Variants in BCKDHB observed in about 807,000 individuals in gnomAD.
BCKDHB encodes 2-oxoisovalerate dehydrogenase subunit beta, mitochondrial.
In BCKDHB, 41 loss-of-function variants were observed where a neutral mutation model predicts 48.5. That is an observed-to-expected ratio of 0.85 (90% CI 0.66 to 1.10). The LOEUF is 1.10. Among genes scored for constraint, BCKDHB ranks in the 50% least tolerant of loss-of-function variants. BCKDHB has a pLI of 0.00. For synonymous variants in BCKDHB, 201 were observed against 174.8 expected (o/e 1.15, Z -1.18); for missense variants, 496 against 494.2 (o/e 1.00, Z -0.03).
chr6:80,267,481 T>A (rs1777562628), intron 8 of BCKDHB, among the ~76,000 whole-genome samples: 1 of 151,958 alleles, frequency 6.6e-6, no homozygotes, highest in South Asian at 2.1e-4. Flanking sequence ...GAAAGAGTTG[T>A]ATGAGATGGG....
chr6:80,129,746 T>G (rs762594978), intron 3 of BCKDHB, among the ~76,000 whole-genome samples: 49 of 152,312 alleles, frequency 3.2e-4, no homozygotes, highest in Non-Finnish European at 5.7e-4. Context: ...GTTTCTGTTT[T>G]AGCCTTGAGG....
intron 8 of BCKDHB, among the ~76,000 whole-genome samples, chr6:80,245,924 A>G (rs1776591990): frequency 6.6e-6 from 1 of 152,134 alleles, no homozygotes; most frequent in Non-Finnish European, 1.5e-5. Context: ...AAAAAATACA[A>G]AAATTAGCCA....
At chr6:80,426,535 A>G in the BCKDHB span, among the ~76,000 whole-genome samples, 1 of 152,100 alleles carries the variant, frequency 6.6e-6, no homozygotes, top group Non-Finnish European at 1.5e-5. Flanking sequence ...ATTTCCATTA[A>G]GTTAAAAATG....
chr6:80,324,812 T>TC (rs1766132745), intron 9 of BCKDHB, among the ~76,000 whole-genome samples: 1 of 152,208 alleles, frequency 6.6e-6, no homozygotes, highest in South Asian at 2.1e-4. Context: ...GCCATATGGC[T>TC]CCAGCAGTTC....
At chr6:80,110,884 T>C (rs1769374801) in intron 1 of BCKDHB, among the ~76,000 whole-genome samples, 1 of 152,192 alleles carries the variant, frequency 6.6e-6, no homozygotes, top group Non-Finnish European at 1.5e-5. Flanking sequence ...GCACTGCTGT[T>C]TTAGCCTTCC....
intron 9 of BCKDHB, among the ~76,000 whole-genome samples, chr6:80,277,199 C>A (rs1420815044): frequency 6.6e-6 from 1 of 151,928 alleles, no homozygotes; most frequent in East Asian, 1.9e-4. Flanking sequence ...ATTCATTGTT[C>A]TTTTTATTGT....
At chr6:80,283,529 A>G (rs568380773) in intron 9 of BCKDHB, among the ~76,000 whole-genome samples, 3 of 152,198 alleles carry the variant, frequency 2.0e-5, no homozygotes, top group South Asian at 2.1e-4. Context: ...TTATATTTAC[A>G]TATTTACCAA....
the BCKDHB span, among the ~76,000 whole-genome samples, chr6:80,431,623 T>C: frequency 5.3e-5 from 8 of 152,204 alleles, no homozygotes; most frequent in Non-Finnish European, 8.8e-5. Context: ...GTCTGTTTCA[T>C]CAGAGATTAG....
the BCKDHB span, chr6:80,374,228 A>C: frequency 1.9e-5 from 14 of 742,014 alleles, no homozygotes; most frequent in Non-Finnish European, 3.5e-5. Flanking sequence ...GGATATGCTC[A>C]ATGGCCAGAG....
intron 3 of BCKDHB, among the ~76,000 whole-genome samples, chr6:80,164,901 C>G (rs1772496379): frequency 6.6e-6 from 1 of 152,164 alleles, no homozygotes; most frequent in Admixed American, 6.5e-5. Context: ...TATTTGTGCT[C>G]TTCTCCTCAA....
At chr6:80,326,603 C>A (rs1292445060) in intron 9 of BCKDHB, among the ~76,000 whole-genome samples, 4 of 152,126 alleles carry the variant, frequency 2.6e-5, no homozygotes, top group African/African-American at 9.7e-5. Flanking sequence ...GAGTAAGTTA[C>A]TTGGCCAGGC....
chr6:80,273,224 A>G lies in BCKDHB; in HGVS notation c.1038+3A>G. ...CGGAAATCAGCTCTACAGTTCAGGT[A>G]GAGTAATTTTTGGAACTGATTTCAA... On this transcript the variant is annotated splice_donor_region_variant and intron_variant, in intron 9 of 9. Coordinates refer to ENST00000320393, the MANE Select transcript of BCKDHB (RefSeq NM_183050.4). 1 of 1,612,768 alleles carries G rather than the reference A, an allele frequency of 6.2e-7. No individual in the cohort carries two copies. The highest frequency in any genetic ancestry group is 8.5e-7 in the Non-Finnish European group (1 of 1,179,010).
intron 8 of BCKDHB, among the ~76,000 whole-genome samples, chr6:80,268,100 T>C (rs1777589460): frequency 6.6e-6 from 1 of 152,056 alleles, no homozygotes; most frequent in African/African-American, 2.4e-5. Flanking sequence ...CAGTCATGTG[T>C]GGAGGAGGTC....
chr6:80,260,224 T>TGG (rs753704417), intron 8 of BCKDHB, among the ~76,000 whole-genome samples: 7 of 151,724 alleles, frequency 4.6e-5, no homozygotes, highest in Non-Finnish European at 1.0e-4. Flanking sequence ...TGTGTGTGTG[T>TGG]GTGTGGGGTA....
At position 80,203,108 on chromosome 6, in the gene BCKDHB, G is replaced by A; in HGVS notation, c.847G>A (p.Val283Met). 1 of 1,610,424 alleles carries A rather than the reference G, an allele frequency of 6.2e-7. No homozygotes were observed. Among genetic ancestry groups the A allele is most frequent in the Non-Finnish European group, 8.5e-7 (1 of 1,176,978 alleles). ...TLVAWGTQVH[V>M]IREVASMAKE... ...ATTTTTCTCTTTATTTCAGGTTCAT[G>A]TGATCCGAGAGGTAGCTTCCATGGC... The change falls in exon 8 of 10, where the codon GTG (valine) becomes ATG (methionine). Residue 283 changes from valine to methionine, a missense_variant. Transcript: ENST00000320393.
At chr6:80,269,533 G>A (rs1435397826) in intron 8 of BCKDHB, among the ~76,000 whole-genome samples, 2 of 151,868 alleles carry the variant, frequency 1.3e-5, no homozygotes, top group African/African-American at 4.8e-5. Context: ...TTTGTCACCC[G>A]TAACTCATTG....
chr6:80,357,057 G>A, the BCKDHB span, among the ~76,000 whole-genome samples: 2 of 150,074 alleles, frequency 1.3e-5, no homozygotes, highest in Non-Finnish European at 2.9e-5. Context: ...TTTAAATTAA[G>A]CTTTAAAAAG....
At chr6:80,151,350 G>A (rs1428081120) in intron 3 of BCKDHB, among the ~76,000 whole-genome samples, 4 of 151,930 alleles carry the variant, frequency 2.6e-5, no homozygotes, top group Non-Finnish European at 5.9e-5. Flanking sequence ...AAAAGTTGAT[G>A]TAAGTTATGA....
chr6:80,389,304 AGGCTGACCTGGCTAT>A, the BCKDHB span, among the ~76,000 whole-genome samples: 1 of 152,204 alleles, frequency 6.6e-6, no homozygotes, highest in East Asian at 1.9e-4. Flanking sequence ...CCACTCACCA[AGGCTGACCTGGCTAT>A]GGCCACTGCT....
Sources: allele counts gnomAD v4.1 joint callset (sites outside exome capture counted in the v4.1 genomes callset), GRCh38; gene constraint gnomAD v4.1.1; transcripts MANE v1.5; gene names NCBI Gene and HGNC (gene_info 2026-07-23, HGNC 2026-07-21).